The following POM121 variants were observed in gnomAD, a reference collection of about 807,000 sequenced individuals.
POM121 encodes nuclear envelope pore membrane protein POM 121.
POM121 carries 32 observed loss-of-function variants against 81.3 expected under a neutral mutation model. The observed-to-expected ratio is 0.39, with a 90% confidence interval of 0.30 to 0.53. POM121 has a LOEUF of 0.53. POM121 is among the 20% of genes least tolerant of loss of function. POM121 has a pLI of 0.66. For missense variants in POM121, 1,138 were observed against 1,614.6 expected, an observed-to-expected ratio of 0.70 and a Z score of 5.06; for synonymous variants, 514 against 694.2, an observed-to-expected ratio of 0.74 and a Z score of 4.08.
chr7:72,918,480 T>C (rs1554495443), intron 4 of POM121, among the ~76,000 whole-genome samples: 1 of 152,198 alleles, frequency 6.6e-6, no homozygotes, highest in Non-Finnish European at 1.5e-5. Context: ...TGGCCTGGTT[T>C]TTCCTAGGTT....
chr7:72,923,789 CG>C (rs1426231080), upstream of POM121, among the ~76,000 whole-genome samples: 1 of 150,514 alleles, frequency 6.6e-6, no homozygotes, highest in Non-Finnish European at 1.5e-5. Context: ...TTAGTAGAGA[CG>C]GAGTTTCACC....
At chr7:72,923,235 ATCTC>A (rs1563151984), upstream of POM121, among the ~76,000 whole-genome samples, 1 of 149,104 alleles carries the variant, frequency 6.7e-6, no homozygotes, top group East Asian at 2.0e-4. Flanking sequence ...CTTTCTTCTC[ATCTC>A]TCTGTGTTGC....
chr7:72,918,068 T>G (rs1586129407), intron 4 of POM121, among the ~76,000 whole-genome samples: 1 of 152,168 alleles, frequency 6.6e-6, no homozygotes, highest in South Asian at 2.1e-4. Flanking sequence ...ACTACTGCTA[T>G]CTAGAAGGCA....
intron 4 of POM121, among the ~76,000 whole-genome samples, chr7:72,928,685 A>G (rs1424163369): frequency 6.6e-6 from 1 of 152,168 alleles, no homozygotes; most frequent in Non-Finnish European, 1.5e-5. Context: ...ATATGCTGAG[A>G]CTTAAGAGGT....
chr7:72,930,030 A>T lies in POM121; in HGVS notation c.1194A>T (p.Thr398=), dbSNP rs782097147. ...GAAGCTCTTCCATGAGCTCCTTGAC[A>T]GGCGCTTACGCAAGTGGCATCCCTA... is the stretch of plus-strand genomic sequence containing the variant. ...RSRSSSMSSL[T]GAYASGIPSS... Residue 398 remains threonine (T), a synonymous_variant, in exon 5 of 13, where the codon ACA becomes ACT. Coordinates refer to ENST00000434423, the MANE Select transcript of POM121 (RefSeq NM_001387691.1). 1 of 1,613,884 alleles carries T rather than the reference A, an allele frequency of 6.2e-7. No individual in the cohort carries two copies. Among genetic ancestry groups the T allele is most frequent in the African/African-American group, 1.3e-5 (1 of 74,920 alleles).
At chr7:72,929,273 C>T (rs1795783451) in intron 4 of POM121, among the ~76,000 whole-genome samples, 1 of 152,220 alleles carries the variant, frequency 6.6e-6, no homozygotes, top group Non-Finnish European at 1.5e-5. Flanking sequence ...AGCAAAATAA[C>T]TTGCTCTGTT....
chr7:72,881,417 C>T (rs4385357), intron 1 of POM121, among the ~76,000 whole-genome samples: 3 of 149,624 alleles, frequency 2.0e-5, no homozygotes, highest in African/African-American at 7.4e-5. Flanking sequence ...CTTTCTTTTG[C>T]GGTTCTTATG....
At chr7:72,886,153 G>GTATTTATTTATT (rs201459871) in intron 1 of POM121, among the ~76,000 whole-genome samples, 1,765 of 139,444 alleles carry the variant, frequency 0.013, 11 homozygotes, top group African/African-American at 0.044. Context: ...TAATTAAACA[G>GTATTTATTTATT]TATTTATTTA....
At chr7:72,890,251 G>A (rs1445648405) in intron 1 of POM121, among the ~76,000 whole-genome samples, 1 of 152,202 alleles carries the variant, frequency 6.6e-6, no homozygotes, top group African/African-American at 2.4e-5. Flanking sequence ...AGGAGGTCCC[G>A]GAGAAGGGGA....
intron 5 of POM121, among the ~76,000 whole-genome samples, chr7:72,935,910 A>G (rs1404134667): frequency 3.3e-4 from 50 of 152,272 alleles, no homozygotes; most frequent in Non-Finnish European, 6.3e-4. Flanking sequence ...CTAAATCTGT[A>G]TGTTCTTTAG....
At chr7:72,901,654 G>A (rs1190724473) in intron 3 of POM121, among the ~76,000 whole-genome samples, 6 of 149,828 alleles carry the variant, frequency 4.0e-5, no homozygotes, top group African/African-American at 9.8e-5. Context: ...TGCCTGGCCC[G>A]ACTCAGGCTA....
rs781945122 is a variant in POM121, at chr7:72,928,504, G to T, written c.1103+39G>T. ...CATCCGGATGAAATACCAACTGTTT[G>T]GAAAAAGGCCTGATCAGAGCTGTTG... On this transcript the variant is annotated intron_variant, in intron 4 of 12. Transcript: ENST00000434423. 3.1e-6 allele frequency: 5 copies of T among 1,597,598 alleles called. No homozygotes were observed. In the African/African-American group the frequency reaches 6.7e-5, roughly 21 times the overall value.
chr7:72,910,249 T>C (rs1255621737), intron 3 of POM121, among the ~76,000 whole-genome samples: 1 of 152,248 alleles, frequency 6.6e-6, no homozygotes, highest in African/African-American at 2.4e-5. Context: ...CCTTCCTTCC[T>C]TTCTTTACTG....
chr7:72,889,339 C>T (rs1451443909), intron 1 of POM121, among the ~76,000 whole-genome samples: 2 of 152,228 alleles, frequency 1.3e-5, no homozygotes, highest in African/African-American at 4.8e-5. Context: ...GGGTTTGAAC[C>T]CCTTGTTGAT....
chr7:72,943,237 A>G lies in POM121; in HGVS notation c.3244A>G (p.Ser1082Gly). Residue 1082 changes from serine (S) to glycine (G), a missense_variant, in exon 11 of 13, where the codon AGC becomes GGC. This residue lies in a region of POM121 where 336 missense variants were observed against 344.3 expected (regional missense o/e 0.98). Coordinates refer to ENST00000434423, the MANE Select transcript of POM121 (RefSeq NM_001387691.1). ...TGGAGCCACCACCCAGACCGCCAGC[A>G]GCGGGAGCAGCAGCTCGGTGTTTGG... Reference protein sequence around the residue: ...GFGATTQTASSGSSSSVFGST... With the variant: ...GFGATTQTASGGSSSSVFGST... 1 of 1,612,290 alleles carries G rather than the reference A, an allele frequency of 6.2e-7. No individual in the cohort carries two copies. Among genetic ancestry groups the G allele is most frequent in the Non-Finnish European group, 8.5e-7 (1 of 1,179,614 alleles).
At chr7:72,893,777 C>G (rs1178794287) in intron 3 of POM121, among the ~76,000 whole-genome samples, 1 of 152,050 alleles carries the variant, frequency 6.6e-6, no homozygotes, top group East Asian at 1.9e-4. Context: ...GTGGTGCTTT[C>G]GCCATCTTCA....
At chr7:72,912,243 C>T (rs1201841840) in intron 3 of POM121, among the ~76,000 whole-genome samples, 4 of 152,184 alleles carry the variant, frequency 2.6e-5, no homozygotes, top group Non-Finnish European at 5.9e-5. Flanking sequence ...AGTGAGTGCT[C>T]GCCACGCACC....
chr7:72,925,374 A>G lies in POM121; in HGVS notation c.253A>G (p.Lys85Glu), dbSNP rs1485291297. ...GSRPLSSFVR[K>E]ARHRRPLSSF... ...GCGCCCCTTGTCCTCCTTCGTTCGG[A>G]AGGCGCGTCATCGGCGCCCCTTGTC... Residue 85 changes from lysine to glutamate, a missense_variant, in exon 1 of 13, where the codon AAG (lysine) becomes GAG (glutamate). Lys to Glu is a moderately conservative substitution (Grantham distance 56). Transcript: ENST00000434423. The G allele has an allele frequency of 3.7e-5, 56 of 1,522,692 alleles. No individual in the cohort carries two copies. Among genetic ancestry groups the G allele is most frequent in the Non-Finnish European group, 4.8e-5 (55 of 1,137,110 alleles). 94.3% of individuals were successfully genotyped at this position (1,522,692 alleles called of 1,614,324 possible).
chr7:72,903,099 C>T (rs116695046), intron 3 of POM121, among the ~76,000 whole-genome samples: 1 of 151,876 alleles, frequency 6.6e-6, no homozygotes, highest in Admixed American at 6.6e-5. Context: ...TGATTCACAT[C>T]TATAATACCT....
Sources: gnomAD v4.1 joint callset for allele counts (sites outside exome capture counted in the v4.1 genomes callset) on GRCh38, gnomAD v4.1.1 for gene constraint, gnomAD v4.1.1 regional missense constraint, MANE v1.5 for transcripts, NCBI Gene and HGNC (gene_info 2026-07-23, HGNC 2026-07-21) for gene names.